The following MEF2A variants were observed in gnomAD, a reference collection of about 807,000 sequenced individuals.
MEF2A encodes the protein myocyte-specific enhancer factor 2A.
Under a neutral mutation model 55.8 loss-of-function variants are expected in MEF2A, and 28 were observed. The observed-to-expected ratio is 0.50, with a 90% CI of 0.37 to 0.69. The LOEUF (loss-of-function observed/expected upper bound fraction) is 0.69. Ranked by LOEUF, MEF2A falls within the 30% of genes least tolerant of loss-of-function variation. The pLI, the probability that MEF2A is intolerant of heterozygous loss-of-function variation, is 0.00. For synonymous variants in MEF2A, 239 were observed against 227.1 expected (o/e 1.05, Z -0.47); for missense variants, 528 against 626.2 (o/e 0.84, Z 1.67).
chr15:99,666,578 T>TATAATAATAATAATA (rs55855939), intron 4 of MEF2A, among the ~76,000 whole-genome samples: 1,727 of 141,218 alleles, frequency 0.012, 14 homozygotes, highest in Middle Eastern at 0.018. Context: ...GAACTTAAAG[T>TATAATAATAATAATA]ATAATAATAA....
chr15:99,686,290 T>C (rs325397), intron 7 of MEF2A, among the ~76,000 whole-genome samples: 32,976 of 151,832 alleles, frequency 0.22, 4,171 homozygotes, highest in South Asian at 0.31. Flanking sequence ...GCCTGAATAC[T>C]TTTTTTTTCA....
At chr15:99,569,434 T>C (rs567511971) in intron 1 of MEF2A, among the ~76,000 whole-genome samples, 1 of 152,252 alleles carries the variant, frequency 6.6e-6, no homozygotes, top group Non-Finnish European at 1.5e-5. Context: ...TTAATGTGTT[T>C]GTTTTGGATA....
intron 4 of MEF2A, among the ~76,000 whole-genome samples, chr15:99,664,358 A>T (rs1235215251): frequency 1.3e-5 from 2 of 152,214 alleles, no homozygotes; most frequent in East Asian, 3.8e-4. Flanking sequence ...AAGGCCGGAC[A>T]CCAGGAACTT....
At chr15:99,620,771 A>G (rs1488576924) in intron 2 of MEF2A, 1 of 152,024 alleles carries the variant, frequency 6.6e-6, no homozygotes, top group Non-Finnish European at 1.5e-5. Flanking sequence ...TGCTGTGCAC[A>G]GTGGCTAAAC....
At chr15:99,595,981 A>T (rs1247434211) in intron 1 of MEF2A, among the ~76,000 whole-genome samples, 1 of 152,142 alleles carries the variant, frequency 6.6e-6, no homozygotes, top group Non-Finnish European at 1.5e-5. Flanking sequence ...GGCTCAGTGT[A>T]TGAAATTTGA....
chr15:99,665,731 C>CAAAAAAAAAAAA (rs752473261), intron 4 of MEF2A, among the ~76,000 whole-genome samples: 14 of 20,240 alleles, frequency 6.9e-4, no homozygotes, highest in Middle Eastern at 0.062. Context: ...CTTAAATTTA[C>CAAAAAAAAAAAA]AAAAAAAAAA....
chr15:99,628,008 G>A (rs981467435), intron 2 of MEF2A, among the ~76,000 whole-genome samples: 2 of 152,250 alleles, frequency 1.3e-5, no homozygotes, highest in South Asian at 2.1e-4. Flanking sequence ...GATGTGTAAC[G>A]TATTATAATT....
rs1164705663 is a variant in MEF2A at position 99,671,462 on chromosome 15, C to A, written c.390+8C>A. 1 of 1,613,830 alleles carries A rather than the reference C, an allele frequency of 6.2e-7. No homozygotes were observed. The highest frequency in any genetic ancestry group is 1.7e-5 in the Admixed American group (1 of 60,018). On this transcript the variant is annotated splice_region_variant and intron_variant, in intron 5 of 11. Coordinates refer to ENST00000557942, the MANE Select transcript of MEF2A (RefSeq NM_001319206.4). The stretch of plus-strand genomic sequence containing the variant: ...ATTTTCAAACGAGGCCCTGTAAGTA[C>A]TTTTACTTTACCTCTACTTTTTATT...
At chr15:99,639,417 A>G (rs951645617) in intron 3 of MEF2A, among the ~76,000 whole-genome samples, 5 of 152,214 alleles carry the variant, frequency 3.3e-5, no homozygotes, top group African/African-American at 1.2e-4. Flanking sequence ...TTTGAGATCC[A>G]TCTGCTCTCA....
At chr15:99,653,876 TA>T (rs1214175776) in intron 4 of MEF2A, among the ~76,000 whole-genome samples, 1 of 152,150 alleles carries the variant, frequency 6.6e-6, no homozygotes, top group Non-Finnish European at 1.5e-5. Context: ...ATATCTGGTT[TA>T]TTTTGTGGTA....
chr15:99,695,753 G>A (rs2056371800), intron 8 of MEF2A, among the ~76,000 whole-genome samples: 1 of 151,850 alleles, frequency 6.6e-6, no homozygotes, highest in Admixed American at 6.6e-5. Flanking sequence ...CAGCTACTTG[G>A]TAGGCTGAGG....
rs776011027 is a variant in MEF2A, at chr15:99,716,360, G to GT, written c.*3594dup. The GT allele has an allele frequency of 2.8e-6, 1 of 357,272 alleles. No homozygotes were observed. Among genetic ancestry groups the GT allele is most frequent in the Non-Finnish European group, 5.6e-6 (1 of 178,068 alleles). The allele number at this position is 357,272 out of a possible 1,614,324, so 22.1% of individuals were successfully genotyped here. A position where few individuals can be genotyped will look rare whatever the true frequency, so the allele number is the denominator to read the frequency against. ...ATCTCAATTTTTCCCTGAATGTGTT[G>GT]TTTTTCTTCATTATACAATAAATAT... On this transcript the variant is annotated 3_prime_UTR_variant, in exon 12 of 12. Transcript: ENST00000557942.
At chr15:99,586,879 A>T (rs566246102) in intron 1 of MEF2A, among the ~76,000 whole-genome samples, 4 of 152,128 alleles carry the variant, frequency 2.6e-5, no homozygotes, top group Non-Finnish European at 5.9e-5. Flanking sequence ...TCATTTGTTG[A>T]TAAGGTTTTT....
At chr15:99,602,653 G>GGTGGGTGGGTGT (rs1555454714) in intron 2 of MEF2A, among the ~76,000 whole-genome samples, 4 of 44,870 alleles carry the variant, frequency 8.9e-5, no homozygotes, top group African/African-American at 2.8e-4. Context: ...ACATTCCTGG[G>GGTGGGTGGGTGT]GTGTGTGTGT....
At chr15:99,619,903 C>G (rs1373618994) in intron 2 of MEF2A, among the ~76,000 whole-genome samples, 2 of 152,170 alleles carry the variant, frequency 1.3e-5, no homozygotes, top group Non-Finnish European at 1.5e-5. Context: ...TAAACCTTCT[C>G]AGTCAGGTTG....
chr15:99,700,023 C>T (rs2057159823), intron 8 of MEF2A, among the ~76,000 whole-genome samples: 1 of 140,410 alleles, frequency 7.1e-6, no homozygotes, highest in Admixed American at 7.5e-5. Flanking sequence ...TTAGTGGAGA[C>T]TAATTTTTGT....
intron 1 of MEF2A, among the ~76,000 whole-genome samples, chr15:99,569,766 T>TA (rs1445076449): frequency 6.6e-6 from 1 of 152,122 alleles, no homozygotes; most frequent in Non-Finnish European, 1.5e-5. Context: ...AATATTTTAA[T>TA]ATTGAAGGTT....
chr15:99,663,616 A>C (rs928027168), intron 4 of MEF2A, among the ~76,000 whole-genome samples: 14 of 152,058 alleles, frequency 9.2e-5, no homozygotes, highest in African/African-American at 3.4e-4. Flanking sequence ...AATGTGGCTA[A>C]AATTTTAAAT....
At chr15:99,623,358 A>G (rs1178614414) in intron 2 of MEF2A, among the ~76,000 whole-genome samples, 2 of 152,192 alleles carry the variant, frequency 1.3e-5, no homozygotes, top group East Asian at 1.9e-4. Flanking sequence ...TAATGCTTCT[A>G]TGAACATTGG....
Sources: gnomAD v4.1 joint callset for allele counts (sites outside exome capture counted in the v4.1 genomes callset) on GRCh38, gnomAD v4.1.1 for gene constraint, MANE v1.5 for transcripts, NCBI Gene and HGNC (gene_info 2026-07-23, HGNC 2026-07-21) for gene names.